Variants in ATP8B1 observed in about 807,000 individuals in gnomAD.
The protein encoded by ATP8B1 is phospholipid-transporting ATPase IC.
A neutral mutation model predicts 149.9 loss-of-function variants in ATP8B1; 80 were observed. The observed-to-expected ratio is 0.53, with a 90% CI of 0.45 to 0.64. The LOEUF is 0.64. ATP8B1 is among the 30% of genes least tolerant of loss of function. The pLI is 0.00. For missense variants in ATP8B1, 1,247 were observed against 1,552.6 expected (o/e 0.80, Z 3.31); for synonymous variants, 536 against 562.8 (o/e 0.95, Z 0.67).
chr18:57,652,270 C>T, intron 25 of ATP8B1, 98 bp from the exon 26 acceptor site: 1 of 1,528,928 alleles, frequency 6.5e-7, no homozygotes, highest in South Asian at 1.1e-5. Flanking sequence ...GCAAGTTAGG[C>T]ATGATGTGGC....
Position 57,678,316 on chromosome 18 carries a change from G to A in ATP8B1, c.1631-3294C>T, listed in dbSNP as rs138854734. Among the ~76,000 whole-genome samples, 890 of 152,204 alleles carry A rather than the reference G, an allele frequency of 5.8e-3. 10 individuals carry two copies. The highest frequency in any genetic ancestry group is 0.02 in the African/African-American group (843 of 41,522). ...AAAACTTACTATTAGGGCAGGGCAC[G>A]GTGGCTCACACCTGTAATCCCAGCA... is the stretch of plus-strand genomic sequence containing the variant. On this transcript the variant is annotated intron_variant, in intron 15 of 27. Coordinates refer to ENST00000648908, the MANE Select transcript of ATP8B1 (RefSeq NM_001374385.1).
Position 57,652,527 on chromosome 18 carries a change from G to A in ATP8B1, c.3218C>T (p.Ala1073Val). 1 of 1,614,162 alleles carries A rather than the reference G, an allele frequency of 6.2e-7. No individual in the cohort carries two copies. Residue 1073 changes from alanine (A) to valine (V), a missense_variant, in exon 25 of 28, where the codon GCC becomes GTC. Around this residue, in one of 3 missense-constraint regions of ATP8B1, gnomAD observed 230 missense variants for 356.6 expected, o/e 0.65. Transcript: ENST00000648908. ...GEAPSDYQSF[A>V]VTIASALVIT... ...TACAAGAGCAGAGGCAATGGTGACG[G>A]CAAAAGACTGGTAGTCGGAAGGTGC...
intron 1 of ATP8B1, among the ~76,000 whole-genome samples, chr18:57,788,671 C>G (rs1228363442): frequency 6.6e-6 from 1 of 152,214 alleles, no homozygotes; most frequent in Non-Finnish European, 1.5e-5. Context: ...CCCCCAAACC[C>G]TGCTTCCCTT....
chr18:57,755,437 G>C (rs2080067500), intron 1 of ATP8B1: 1 of 152,048 alleles, frequency 6.6e-6, no homozygotes, highest in South Asian at 2.1e-4. Flanking sequence ...GAATGATATA[G>C]AGAAGATTAG....
chr18:57,718,103 T>TAAAAAAATAAA (rs2079601297), intron 2 of ATP8B1, among the ~76,000 whole-genome samples: 1 of 31,798 alleles, frequency 3.1e-5, no homozygotes, highest in Non-Finnish European at 5.8e-5. Context: ...CTGGACTAAC[T>TAAAAAAATAAA]AAAAAAAAAA....
chr18:57,800,112 C>A (rs1051355184), intron 1 of ATP8B1, among the ~76,000 whole-genome samples: 1 of 152,106 alleles, frequency 6.6e-6, no homozygotes, highest in Non-Finnish European at 1.5e-5. Context: ...TTCCAGGAGA[C>A]TAAACTAGAA....
At chr18:57,670,355 C>CTTTTT (rs370444079) in intron 17 of ATP8B1, among the ~76,000 whole-genome samples, 1 of 139,698 alleles carries the variant, frequency 7.2e-6, no homozygotes, top group African/African-American at 2.6e-5. Flanking sequence ...TTTTCTTTTT[C>CTTTTT]TTTTTTTTTT....
chr18:57,662,543 C>T lies in ATP8B1; in HGVS notation c.2358G>A (p.Val786=), dbSNP rs33965008. The T allele has an allele frequency of 9.1e-5, 147 of 1,614,134 alleles. No individual in the cohort carries two copies. The African/African-American group carries it at 1.7e-3, about 18-fold the overall frequency. The change falls in exon 21 of 28, where the codon GTG becomes GTA. Residue 786 remains valine, a synonymous_variant. Coordinates refer to ENST00000648908, the MANE Select transcript of ATP8B1 (RefSeq NM_001374385.1). ...GGVYAKFAPP[V]QESFFPPGGN... ...CACCGGGTGGAAAAAAAGATTCCTG[C>T]ACAGGAGGTGCAAACTTTGCGTAGA... is the stretch of plus-strand genomic sequence containing the variant.
At chr18:57,800,878 A>C (rs2080566846) in intron 1 of ATP8B1, among the ~76,000 whole-genome samples, 1 of 152,222 alleles carries the variant, frequency 6.6e-6, no homozygotes, top group African/African-American at 2.4e-5. Flanking sequence ...ACGGAAGGAA[A>C]GGAAAAGAAC....
chr18:57,710,215 A>G (rs1438744531), intron 2 of ATP8B1, among the ~76,000 whole-genome samples: 1 of 152,172 alleles, frequency 6.6e-6, no homozygotes, highest in Admixed American at 6.6e-5. Context: ...CACCTTCACC[A>G]TATGGCCCTT....
At chr18:57,666,537 T>G (rs1007462730) in intron 20 of ATP8B1, among the ~76,000 whole-genome samples, 3 of 150,832 alleles carry the variant, frequency 2.0e-5, no homozygotes, top group South Asian at 2.1e-4. Flanking sequence ...AACCGAGTTT[T>G]TTTTTTTTTT....
intron 1 of ATP8B1, among the ~76,000 whole-genome samples, chr18:57,747,915 T>G (rs1436100466): frequency 6.6e-6 from 1 of 152,212 alleles, no homozygotes; most frequent in African/African-American, 2.4e-5. Flanking sequence ...AAGATTCTAC[T>G]GCAAACATAT....
Position 57,646,678 on chromosome 18 carries a change from AAAG to A in ATP8B1, c.*1807_*1809del, listed in dbSNP as rs1164329344. 6.5e-6 allele frequency: 1 copy of A among 152,672 alleles called. No individual in the cohort carries two copies. The highest frequency in any genetic ancestry group is 1.5e-5 in the Non-Finnish European group (1 of 68,046). 9.5% of individuals were successfully genotyped at this position (152,672 alleles called of 1,614,324 possible). ...TACACAAGCTAAGTTTTCTGTAAAA[AAAG>A]AAAAAACTTACAATTTTTTATTTAC... On this transcript the variant is annotated 3_prime_UTR_variant, in exon 28 of 28. Coordinates refer to ENST00000648908, the MANE Select transcript of ATP8B1 (RefSeq NM_001374385.1).
At chr18:57,662,228 A>G (rs1460871248) in intron 21 of ATP8B1, among the ~76,000 whole-genome samples, 1 of 152,262 alleles carries the variant, frequency 6.6e-6, no homozygotes, top group East Asian at 1.9e-4. Flanking sequence ...AAAAATTTAG[A>G]AAATCTAACA....
At chr18:57,773,350 G>T (rs1417602037) in intron 1 of ATP8B1, among the ~76,000 whole-genome samples, 3 of 152,126 alleles carry the variant, frequency 2.0e-5, no homozygotes, top group South Asian at 4.1e-4. Context: ...CTAATAAGGT[G>T]GTGCAGACAG....
At chr18:57,719,402 C>T (rs572667750) in intron 2 of ATP8B1, among the ~76,000 whole-genome samples, 1,905 of 152,276 alleles carry the variant, frequency 0.013, 37 homozygotes, top group African/African-American at 0.043. Flanking sequence ...AGTGGGTGCG[C>T]GCACTGTGCG....
chr18:57,719,397 G>A (rs2079615311), intron 2 of ATP8B1, among the ~76,000 whole-genome samples: 1 of 152,192 alleles, frequency 6.6e-6, no homozygotes, highest in Admixed American at 6.5e-5. Context: ...AGGCCAGTGG[G>A]TGCGCGCACT....
chr18:57,712,450 G>T (rs951063152), intron 2 of ATP8B1, among the ~76,000 whole-genome samples: 1 of 152,172 alleles, frequency 6.6e-6, no homozygotes, highest in Non-Finnish European at 1.5e-5. Flanking sequence ...CATAGAGGGA[G>T]CATTTAGACC....
chr18:57,719,065 C>G (rs1434235458), intron 2 of ATP8B1, among the ~76,000 whole-genome samples: 1 of 152,180 alleles, frequency 6.6e-6, no homozygotes, highest in African/African-American at 2.4e-5. Flanking sequence ...GTCAAATTAT[C>G]CTTGTTTGCG....
Sources: gnomAD v4.1 joint callset for allele counts (sites outside exome capture counted in the v4.1 genomes callset) on GRCh38, gnomAD v4.1.1 for gene constraint, gnomAD v4.1.1 regional missense constraint, MANE v1.5 for transcripts, NCBI Gene and HGNC (gene_info 2026-07-23, HGNC 2026-07-21) for gene names.